Variants in CELF2 observed in about 807,000 individuals in gnomAD.
CELF2 encodes CUG triplet repeat RNA-binding protein 2.
CELF2 carries 8 observed loss-of-function variants against 62.6 expected under a neutral mutation model. The observed-to-expected ratio is 0.13, with a 90% CI of 0.07 to 0.23. The LOEUF is 0.23. Among genes scored for constraint, CELF2 ranks in the 10% least tolerant of loss-of-function variants. CELF2 has a pLI of 1.00. For missense variants in CELF2, 333 were observed against 671.0 expected (o/e 0.50, Z 5.56); for synonymous variants, 258 against 250.0 (o/e 1.03, Z -0.30).
intron 2 of CELF2, among the ~76,000 whole-genome samples, chr10:11,168,702 G>A (rs902541100): frequency 1.3e-5 from 2 of 152,148 alleles, no homozygotes; most frequent in Admixed American, 1.3e-4. Context: ...AGACAGTCAG[G>A]CTGTTACCTA....
At chr10:11,162,832 G>C (rs2066031757) in intron 1 of CELF2, among the ~76,000 whole-genome samples, 1 of 152,128 alleles carries the variant, frequency 6.6e-6, no homozygotes, top group Admixed American at 6.5e-5. Flanking sequence ...CCCTTATTTT[G>C]TGCCATGTCT....
chr10:11,213,284 G>T (rs2062415195), intron 2 of CELF2, among the ~76,000 whole-genome samples: 1 of 152,238 alleles, frequency 6.6e-6, no homozygotes, highest in Non-Finnish European at 1.5e-5. Context: ...AACAGAGCCT[G>T]CAGGGGAGGA....
intron 9 of CELF2, among the ~76,000 whole-genome samples, chr10:11,291,347 G>C (rs2092500049): frequency 6.6e-6 from 1 of 152,010 alleles, no homozygotes; most frequent in South Asian, 2.1e-4. Context: ...TATTATAAAT[G>C]ATTTTAAACA....
chr10:10,478,878 TAAG>T, the CELF2 span, among the ~76,000 whole-genome samples: 31 of 152,186 alleles, frequency 2.0e-4, no homozygotes, highest in Non-Finnish European at 1.2e-4. Flanking sequence ...TGAGCAATAA[TAAG>T]GTAAAAGCAC....
At chr10:11,326,742 G>A (rs1290780194) in intron 12 of CELF2, among the ~76,000 whole-genome samples, 7 of 152,192 alleles carry the variant, frequency 4.6e-5, no homozygotes, top group Non-Finnish European at 8.8e-5. Flanking sequence ...GATGTTCAGA[G>A]TATATATTAC....
At chr10:10,657,526 G>A in the CELF2 span, among the ~76,000 whole-genome samples, 10 of 151,944 alleles carry the variant, frequency 6.6e-5, no homozygotes, top group Admixed American at 3.3e-4. Context: ...TTTAAGTTAC[G>A]AAATAAAAAA....
Position 10,984,132 on chromosome 10 carries a change from C to T in CELF2, c.89+64133C>T, listed in dbSNP as rs373121176. Reference sequence around the variant, plus strand: ...TTATTTTACCTTTGTAATATTCAGGCGAGGTATGCGTTATCCCCACTTCAC... The same window carrying T: ...TTATTTTACCTTTGTAATATTCAGGTGAGGTATGCGTTATCCCCACTTCAC... On this transcript the variant is annotated intron_variant, in intron 2 of 13. Transcript: ENST00000636488. Among the ~76,000 whole-genome samples the T allele has an allele frequency of 4.1e-4, 63 of 152,176 alleles. 2 individuals carry two copies. The Middle Eastern group carries it at 0.024, about 58-fold the overall frequency.
rs1385996500 is a variant in CELF2, at chr10:11,285,879, T to TG, written c.842-2539_842-2538insG. ...TGTGTGTGTGTGTGTGTGTGTGTGTTTTTACATGGACTTGAAAATGAGTAA... is the reference window on the plus strand; with the variant it reads ...TGTGTGTGTGTGTGTGTGTGTGTGTTGTTTACATGGACTTGAAAATGAGTAA... On this transcript the variant is annotated intron_variant, in intron 8 of 12. Transcript: ENST00000633077. This position sits in a 1 kb window ranked among gnomAD's most constrained non-coding sequence, Gnocchi z 4.3. Among the ~76,000 whole-genome samples the TG allele has an allele frequency of 0.07, 7,590 of 107,894 alleles. 412 individuals are homozygous for TG. The highest frequency in any genetic ancestry group is 0.21 in the East Asian group (824 of 3,958). 70.8% of individuals were successfully genotyped at this position (107,894 alleles called of 152,430 possible). A position where few individuals can be genotyped will look rare whatever the true frequency, so the allele number is the denominator to read the frequency against.
the CELF2 span, among the ~76,000 whole-genome samples, chr10:10,785,601 G>C: frequency 9.1e-4 from 139 of 152,330 alleles, no homozygotes; most frequent in African/African-American, 3.3e-3. Context: ...AGGACATTAT[G>C]TTAAGTGAAG....
At position 11,039,885 on chromosome 10, in the gene CELF2, G is replaced by T. The variant is rs563859301; in HGVS notation, c.74+21722G>T. Among the ~76,000 whole-genome samples, 28 of 152,246 alleles carry T rather than the reference G, an allele frequency of 1.8e-4. No individual in the cohort carries two copies. Among genetic ancestry groups the T allele is most frequent in the Non-Finnish European group, 4.0e-4 (27 of 68,020 alleles). On this transcript the variant is annotated intron_variant, in intron 1 of 12. Transcript: ENST00000633077. This position sits in a 1 kb window ranked among gnomAD's most constrained non-coding sequence, Gnocchi z 4.1. ...TAACATTGGAATGTGGTATGTGTTG[G>T]GGGTGGGATCTTCCTGTTTGTTTTT...
In CELF2 at chr10:11,178,095, T is replaced by C. The variant is rs2071887329; in HGVS notation, c.271+12413T>C. On this transcript the variant is annotated intron_variant, in intron 2 of 12. Coordinates refer to ENST00000633077, the MANE Select transcript of CELF2 (RefSeq NM_001326342.2). This position sits in a 1 kb window ranked among gnomAD's most constrained non-coding sequence, Gnocchi z 4.3. Reference sequence around the variant, plus strand: ...AACGCTGCGGCCACAGCTGCAGCCATGCTACCTGCCACATGCCCTGGCCTG... The same window carrying C: ...AACGCTGCGGCCACAGCTGCAGCCACGCTACCTGCCACATGCCCTGGCCTG... Among the ~76,000 whole-genome samples, 1 of 152,228 alleles carries C rather than the reference T, an allele frequency of 6.6e-6. No homozygotes were observed. Among genetic ancestry groups the C allele is most frequent in the Admixed American group, 6.5e-5 (1 of 15,288 alleles).
At chr10:10,547,673 TAGAGAG>T in the CELF2 span, among the ~76,000 whole-genome samples, 2 of 135,260 alleles carry the variant, frequency 1.5e-5, no homozygotes, top group Non-Finnish European at 3.1e-5. Flanking sequence ...ACCAAAAAGA[TAGAGAG>T]AGAGAGAGAG....
At position 11,170,364 on chromosome 10, in the gene CELF2, G is replaced by T. The variant is rs541370083; in HGVS notation, c.271+4682G>T. Among the ~76,000 whole-genome samples the T allele has an allele frequency of 2.6e-5, 4 of 152,288 alleles. No homozygotes were observed. The South Asian group carries it at 6.2e-4, about 24-fold the overall frequency. ...ATTTCTGAAGTCCCAATGAATTGAA[G>T]ACTTAAAAGGAATGGAAAAGGTTTG... is the stretch of plus-strand genomic sequence containing the variant. On this transcript the variant is annotated intron_variant, in intron 2 of 12. Transcript: ENST00000633077.
chr10:11,257,481 G>A, intron 4 of CELF2: 1 of 384,986 alleles, frequency 2.6e-6, no homozygotes, highest in South Asian at 3.5e-5. Flanking sequence ...GAACTTAACA[G>A]CATTACATGT....
chr10:10,772,977 G>T, the CELF2 span, among the ~76,000 whole-genome samples: 1 of 152,234 alleles, frequency 6.6e-6, no homozygotes, highest in Admixed American at 6.5e-5. Flanking sequence ...CATGAGTAAC[G>T]TTTCATTAAA....
rs115313949 is a variant in CELF2, at chr10:11,079,369, G to A, written c.74+61206G>A. ...AGCTGTCACCTCAACAAAAACGTGCGGAAAATGCAGATGGCCCATGGTATG... is the reference window on the plus strand; with the variant it reads ...AGCTGTCACCTCAACAAAAACGTGCAGAAAATGCAGATGGCCCATGGTATG... On this transcript the variant is annotated intron_variant, in intron 1 of 12. Transcript: ENST00000633077. 9.8e-3 allele frequency among the ~76,000 whole-genome samples: 1,492 copies of A among 152,246 alleles called. 27 individuals carry two copies. Among genetic ancestry groups the A allele is most frequent in the African/African-American group, 0.033 (1,368 of 41,536 alleles).
chr10:10,804,438 A>C (rs2054995902), intron 1 of CELF2, among the ~76,000 whole-genome samples: 1 of 152,240 alleles, frequency 6.6e-6, no homozygotes, highest in South Asian at 2.1e-4. Context: ...TTTGACAGAT[A>C]GTTGGAGGGA....
rs1438756977 is a variant in CELF2 at position 11,297,071 on chromosome 10, G to T, written c.976+8519G>T. Among the ~76,000 whole-genome samples, 1 of 152,158 alleles carries T rather than the reference G, an allele frequency of 6.6e-6. No homozygotes were observed. ...AGACTTCCTGTGTGACTGGACTGAG[G>T]CACCCATTTGATGTGAGGGAGAACA... On this transcript the variant is annotated intron_variant, in intron 9 of 12. Transcript: ENST00000633077. The surrounding 1 kb of genome is among the most constrained non-coding windows in gnomAD (Gnocchi z 4.4).
chr10:11,106,530 C>G (rs1415883864), intron 1 of CELF2, among the ~76,000 whole-genome samples: 1 of 152,232 alleles, frequency 6.6e-6, no homozygotes, highest in African/African-American at 2.4e-5. Flanking sequence ...AGCCACTGCG[C>G]CCAGCCCATC....
Sources: allele counts gnomAD v4.1 joint callset (sites outside exome capture counted in the v4.1 genomes callset), GRCh38; gene constraint gnomAD v4.1.1; non-coding constraint Gnocchi (gnomAD v3.1); transcripts MANE v1.5; gene names NCBI Gene and HGNC (gene_info 2026-07-23, HGNC 2026-07-21).